Variants in TMEM94 observed in about 807,000 individuals in gnomAD.
TMEM94 encodes the protein ER Mg2+ ATPase.
In TMEM94, 81 loss-of-function variants were observed where a neutral mutation model predicts 158.6. The ratio of observed to expected loss-of-function variants is 0.51; its 90% CI spans 0.43 to 0.61. The LOEUF is 0.61. TMEM94 is among the 20% of genes least tolerant of loss of function. TMEM94 has a pLI of 0.00. For synonymous variants in TMEM94, 751 were observed against 730.7 expected, an observed-to-expected ratio of 1.03 and a Z score of -0.45; for missense variants, 1,435 against 1,762.0, an observed-to-expected ratio of 0.81 and a Z score of 3.32.
At chr17:75,490,600 G>A in intron 10 of TMEM94, 102 bp from the exon 11 acceptor site, 1 of 1,130,618 alleles carries the variant, frequency 8.8e-7, no homozygotes, top group Non-Finnish European at 1.3e-6. Flanking sequence ...TACCAAAGGG[G>A]TTGGGAGCCC....
At chr17:75,469,999 G>C (rs567910372) in intron 1 of TMEM94, among the ~76,000 whole-genome samples, 3 of 152,000 alleles carry the variant, frequency 2.0e-5, no homozygotes, top group Admixed American at 6.6e-5. Flanking sequence ...CTTGAACCCA[G>C]GAGGCAGAGG....
chr17:75,499,488 T>A lies in TMEM94; in HGVS notation c.*154T>A, dbSNP rs1297094131. On this transcript the variant is annotated 3_prime_UTR_variant, in exon 32 of 32. Transcript: ENST00000314256. ...CTCCCCGTGTCAGACCCCGCTGTCT[T>A]CCTGAGCCCTGGGGCTCACTGTGGA... is the stretch of plus-strand genomic sequence containing the variant. The A allele has an allele frequency of 1.4e-6, 1 of 704,242 alleles. No homozygotes were observed. The highest frequency in any genetic ancestry group is 1.8e-5 in the African/African-American group (1 of 56,148). 43.6% of individuals were successfully genotyped at this position (704,242 alleles called of 1,614,324 possible).
intron 1 of TMEM94, among the ~76,000 whole-genome samples, chr17:75,458,901 CA>C (rs1443943478): frequency 6.6e-6 from 1 of 150,920 alleles, no homozygotes; most frequent in Non-Finnish European, 1.5e-5. Flanking sequence ...ACTAAAAATG[CA>C]AAAAATTAGC....
At chr17:75,473,120 G>T (rs1167064496) in intron 2 of TMEM94, among the ~76,000 whole-genome samples, 2 of 152,212 alleles carry the variant, frequency 1.3e-5, no homozygotes, top group Non-Finnish European at 2.9e-5. Context: ...AAGGTCTAGA[G>T]AGGGGGCTGT....
rs1468870546 is a variant in TMEM94 at position 75,488,848 on chromosome 17, A to G, written c.702A>G (p.Pro234=). Reference sequence around the variant, plus strand: ...CCCGGGGAGAAGTGGAGAGAGGGCCACAGAGCCCCCAGCAGCACCGGCTTT... The same window carrying G: ...CCCGGGGAGAAGTGGAGAGAGGGCCGCAGAGCCCCCAGCAGCACCGGCTTT... ...PSPRGEVERG[P]QSPQQHRLFR... The change falls in exon 7 of 32, where the codon CCA becomes CCG. Residue 234 remains proline, a synonymous_variant. Coordinates refer to ENST00000314256, the MANE Select transcript of TMEM94 (RefSeq NM_014738.6). 1.9e-6 allele frequency: 3 copies of G among 1,612,246 alleles called. No homozygotes were observed. In the South Asian group the frequency reaches 3.3e-5, roughly 18 times the overall value.
chr17:75,494,935 T>C lies in TMEM94; in HGVS notation c.2629T>C (p.Cys877Arg), dbSNP rs896265121. The C allele has an allele frequency of 5.0e-6, 8 of 1,613,454 alleles. No individual in the cohort carries two copies. The highest frequency in any genetic ancestry group is 6.8e-6 in the Non-Finnish European group (8 of 1,180,020). ...EKMGLETGWN[C>R]HISLTPNGDM... ...AATGGGCCTGGAGACAGGCTGGAAC[T>C]GCCACATCTCCCTCACACCCAATGG... Residue 877 changes from cysteine to arginine, a missense_variant, in exon 20 of 32, where the codon TGC (cysteine) becomes CGC (arginine). Around this residue, in one of 3 missense-constraint regions of TMEM94, gnomAD observed 1,051 missense variants for 1,254.4 expected, o/e 0.84. Coordinates refer to ENST00000314256, the MANE Select transcript of TMEM94 (RefSeq NM_014738.6).
Position 75,485,575 on chromosome 17 carries a change from G to T in TMEM94, c.144+28G>T. 2 of 1,613,950 alleles carry T rather than the reference G, an allele frequency of 1.2e-6. No homozygotes were observed. Among genetic ancestry groups the T allele is most frequent in the South Asian group, 2.2e-5 (2 of 91,074 alleles). The stretch of plus-strand genomic sequence containing the variant: ...GAAGCTTCTTCTCGGGGCTACCAGG[G>T]CCTGGCTGGGATGGCAGGGAAGTGT... On this transcript the variant is annotated intron_variant, in intron 3 of 31. Transcript: ENST00000314256. The surrounding 1 kb of genome is among the most constrained non-coding windows in gnomAD (Gnocchi z 5.5).
In TMEM94 at chr17:75,485,816, C is replaced by G. The variant is rs2051545899; in HGVS notation, c.145-55C>G. 1.3e-6 allele frequency: 2 copies of G among 1,546,382 alleles called. No individual in the cohort carries two copies. Among genetic ancestry groups the G allele is most frequent in the East Asian group, 4.6e-5 (2 of 43,384 alleles). On this transcript the variant is annotated intron_variant, in intron 3 of 31. Coordinates refer to ENST00000314256, the MANE Select transcript of TMEM94 (RefSeq NM_014738.6). The surrounding 1 kb of genome is among the most constrained non-coding windows in gnomAD (Gnocchi z 5.5). ...CTGGGAAGGGTGCCGGGGGAGGCAG[C>G]CAGATTGGAGTGGGACAGGCCTCTC...
In TMEM94 at chr17:75,465,679, A is replaced by AT. The variant is rs66618031; in HGVS notation, c.-106-6112dup. On this transcript the variant is annotated intron_variant, in intron 1 of 31. Coordinates refer to ENST00000314256, the MANE Select transcript of TMEM94 (RefSeq NM_014738.6). ...TTTATATATATATATATATATATAT[A>AT]TTTTTTTTTAATCCCAAAGACTTCA... Among the ~76,000 whole-genome samples the AT allele has an allele frequency of 7.1e-4, 89 of 124,824 alleles. 2 individuals carry two copies. The highest frequency in any genetic ancestry group is 3.3e-3 in the Admixed American group (40 of 12,180). 81.9% of individuals were successfully genotyped at this position (124,824 alleles called of 152,430 possible). A position where few individuals can be genotyped will look rare whatever the true frequency, so the allele number is the denominator to read the frequency against.
At chr17:75,496,595 C>T (rs1242884119) in intron 24 of TMEM94, 124 bp downstream of exon 24, 3 of 1,384,950 alleles carry the variant, frequency 2.2e-6, no homozygotes, top group Non-Finnish European at 3.0e-6. Context: ...CGGGCTCTCC[C>T]AGGCAGTTAC....
At chr17:75,472,002 C>T (rs1356666250) in intron 2 of TMEM94, 73 bp downstream of exon 2, 4 of 1,509,104 alleles carry the variant, frequency 2.7e-6, no homozygotes, top group South Asian at 2.3e-5. Flanking sequence ...TTGTTTTTGC[C>T]TGGGAGATCC....
chr17:75,472,091 C>A, intron 2 of TMEM94, 162 bp downstream of exon 2: 1 of 649,474 alleles, frequency 1.5e-6, no homozygotes, highest in Non-Finnish European at 2.8e-6. Flanking sequence ...GACCTCTTGG[C>A]TGGAAAGCAC....
At position 75,463,152 on chromosome 17, in the gene TMEM94, G is replaced by A. The variant is rs1383733375; in HGVS notation, c.-107+6401G>A. ...CGTGTATATATGTATATATATACACGTATATATATGTGTGTGTGTGTGTGT... is the reference window on the plus strand; with the variant it reads ...CGTGTATATATGTATATATATACACATATATATATGTGTGTGTGTGTGTGT... On this transcript the variant is annotated intron_variant, in intron 1 of 31. Coordinates refer to ENST00000314256, the MANE Select transcript of TMEM94 (RefSeq NM_014738.6). Among the ~76,000 whole-genome samples, 4 of 21,580 alleles carry A rather than the reference G, an allele frequency of 1.9e-4. 1 individual carries two copies. The highest frequency in any genetic ancestry group is 1.0e-3 in the Admixed American group (3 of 2,954). The allele number at this position is 21,580 out of a possible 152,430, so 14.2% of individuals were successfully genotyped here.
At position 75,485,166 on chromosome 17, in the gene TMEM94, A is replaced by G. The variant is rs758375844; in HGVS notation, c.25-262A>G. Among the ~76,000 whole-genome samples the G allele has an allele frequency of 3.9e-5, 6 of 152,136 alleles. No homozygotes were observed. Among genetic ancestry groups the G allele is most frequent in the Non-Finnish European group, 8.8e-5 (6 of 68,028 alleles). ...GGGCAGTGGGGAAAGTGAGTTGGGGAACATGGAATAAAAGAAAAAGTTGTT... is the reference window on the plus strand; with the variant it reads ...GGGCAGTGGGGAAAGTGAGTTGGGGGACATGGAATAAAAGAAAAAGTTGTT... On this transcript the variant is annotated intron_variant, in intron 2 of 31. Transcript: ENST00000314256. The surrounding 1 kb of genome is among the most constrained non-coding windows in gnomAD (Gnocchi z 5.5).
chr17:75,486,482 C>G, intron 5 of TMEM94, 56 bp downstream of exon 5: 1 of 1,608,242 alleles, frequency 6.2e-7, no homozygotes. Flanking sequence ...TATCAGAGCC[C>G]TGAGGGCTCC....
Position 75,499,363 on chromosome 17 carries a change from C to CCCGT in TMEM94, c.*32_*35dup. The CCCGT allele has an allele frequency of 6.2e-7, 1 of 1,601,328 alleles. No individual in the cohort carries two copies. Among genetic ancestry groups the CCCGT allele is most frequent in the Admixed American group, 1.7e-5 (1 of 59,992 alleles). ...ACTGGCTGTGGTGGCTGTAGTTGCC[C>CCCGT]CCGTCCCTGGGGCTAAAGCCAGACC... is the stretch of plus-strand genomic sequence containing the variant. On this transcript the variant is annotated 3_prime_UTR_variant, in exon 32 of 32. Coordinates refer to ENST00000314256, the MANE Select transcript of TMEM94 (RefSeq NM_014738.6).
rs140414917 is a variant in TMEM94 at position 75,493,134 on chromosome 17, C to G, written c.2086+32C>G. 3,236 of 1,602,234 alleles carry G rather than the reference C, an allele frequency of 2.0e-3. 5 individuals carry two copies. The highest frequency in any genetic ancestry group is 2.6e-3 in the Non-Finnish European group (3,021 of 1,173,148). On this transcript the variant is annotated intron_variant, in intron 16 of 31. Transcript: ENST00000314256. The stretch of plus-strand genomic sequence containing the variant: ...CCTGGCTACGTTGGCCAGCACCAGG[C>G]GAGACCTTCCAGAGCTTGGCAGGGG...
intron 2 of TMEM94, among the ~76,000 whole-genome samples, chr17:75,482,768 CATTCATTCATTT>C (rs966660785): frequency 1.3e-5 from 2 of 152,146 alleles, no homozygotes; most frequent in African/African-American, 4.8e-5. Flanking sequence ...TGCATTCATT[CATTCATTCATTT>C]ATTCATTCAT....
chr17:75,495,061 C>A lies in TMEM94; in HGVS notation c.2728+27C>A. The stretch of plus-strand genomic sequence containing the variant: ...TAAGGGCAAAGGCGTGGGGTGGGGA[C>A]GGGGTGGCGGTGGGAGGATTCCCCT... On this transcript the variant is annotated intron_variant, in intron 20 of 31. Transcript: ENST00000314256. The surrounding 1 kb of genome is among the most constrained non-coding windows in gnomAD (Gnocchi z 5.6). 1.6e-6 allele frequency: 1 copy of A among 607,000 alleles called. No homozygotes were observed. The highest frequency in any genetic ancestry group is 3.0e-6 in the Non-Finnish European group (1 of 330,256). The allele number at this position is 607,000 out of a possible 1,614,324, so 37.6% of individuals were successfully genotyped here.
Sources: allele counts gnomAD v4.1 joint callset (sites outside exome capture counted in the v4.1 genomes callset), GRCh38; gene constraint gnomAD v4.1.1; regional missense constraint gnomAD v4.1.1; non-coding constraint Gnocchi (gnomAD v3.1); transcripts MANE v1.5; gene names NCBI Gene and HGNC (gene_info 2026-07-23, HGNC 2026-07-21).